SLIT2: variants seen among roughly 807,000 people sequenced by gnomAD.
SLIT2 encodes the protein slit guidance ligand 2, also known as slit homolog 2 protein.
In SLIT2, 41 loss-of-function variants were observed where a neutral mutation model predicts 185.7. That is an observed-to-expected ratio of 0.22 (90% CI 0.17 to 0.29). The LOEUF (loss-of-function observed/expected upper bound fraction) is 0.29, where lower values mean the gene tolerates loss of function less well. Among genes scored for constraint, SLIT2 ranks in the 10% least tolerant of loss-of-function variants. SLIT2 has a pLI of 1.00. For synonymous variants in SLIT2, 693 were observed against 680.2 expected (o/e 1.02, Z -0.29); for missense variants, 1,571 against 1,909.0 (o/e 0.82, Z 3.30).
intron 29 of SLIT2, among the ~76,000 whole-genome samples, chr4:20,587,330 A>G (rs1260707609): frequency 6.6e-6 from 1 of 152,118 alleles, no homozygotes; most frequent in East Asian, 1.9e-4. Flanking sequence ...AAATCAAATC[A>G]TTTTTGACGT....
chr4:20,614,499 C>T (rs931649757), intron 34 of SLIT2, among the ~76,000 whole-genome samples: 1 of 151,980 alleles, frequency 6.6e-6, no homozygotes, highest in Non-Finnish European at 1.5e-5. Flanking sequence ...TGGATCTGGC[C>T]AGGCGTGGTG....
At chr4:20,408,641 G>T (rs1177957195) in intron 4 of SLIT2, among the ~76,000 whole-genome samples, 1 of 151,944 alleles carries the variant, frequency 6.6e-6, no homozygotes, top group Non-Finnish European at 1.5e-5. Context: ...AGTTACTTTG[G>T]GATCAAGGCC....
intron 4 of SLIT2, among the ~76,000 whole-genome samples, chr4:20,283,049 A>T (rs985167998): frequency 1.3e-5 from 2 of 152,114 alleles, no homozygotes; most frequent in African/African-American, 2.4e-5. Flanking sequence ...AATTTCATTA[A>T]CTTAGCACCA....
At chr4:20,431,145 T>C (rs183244929) in intron 4 of SLIT2, among the ~76,000 whole-genome samples, 66 of 152,346 alleles carry the variant, frequency 4.3e-4, no homozygotes, top group Non-Finnish European at 8.5e-4. Flanking sequence ...GAATGGGTTT[T>C]CCTCTAACTC....
At chr4:20,368,246 A>G (rs1213711531) in intron 4 of SLIT2, among the ~76,000 whole-genome samples, 2 of 151,046 alleles carry the variant, frequency 1.3e-5, no homozygotes, top group Admixed American at 1.3e-4. Flanking sequence ...AAAAAAAAGA[A>G]AGAAAAAAGA....
At chr4:20,547,852 T>G (rs1009198136) in intron 22 of SLIT2, among the ~76,000 whole-genome samples, 13 of 152,016 alleles carry the variant, frequency 8.6e-5, no homozygotes, top group African/African-American at 3.1e-4. Context: ...TTGGTAAAAA[T>G]TCAACGTCTC....
intron 26 of SLIT2, among the ~76,000 whole-genome samples, chr4:20,559,500 ACT>A (rs1296590271): frequency 1.3e-5 from 2 of 151,888 alleles, no homozygotes; most frequent in Non-Finnish European, 2.9e-5. Flanking sequence ...ATTAATGAAG[ACT>A]CTGCTAGTTC....
chr4:20,545,267 C>A (rs961155801), intron 21 of SLIT2, among the ~76,000 whole-genome samples: 15 of 151,892 alleles, frequency 9.9e-5, no homozygotes, highest in Non-Finnish European at 1.6e-4. Context: ...TCACCATCTA[C>A]GTTCTAGGAA....
At chr4:20,348,954 A>G (rs994598019) in intron 4 of SLIT2, among the ~76,000 whole-genome samples, 2 of 152,190 alleles carry the variant, frequency 1.3e-5, no homozygotes, top group Non-Finnish European at 2.9e-5. Flanking sequence ...TGAGAAGACT[A>G]TGATGTTCTA....
intron 4 of SLIT2, among the ~76,000 whole-genome samples, chr4:20,430,952 C>T (rs1223523899): frequency 2.6e-5 from 4 of 152,146 alleles, no homozygotes; most frequent in African/African-American, 7.2e-5. Context: ...AAGTAACTGT[C>T]CAGAAGAAAC....
intron 4 of SLIT2, among the ~76,000 whole-genome samples, chr4:20,350,196 G>T (rs897836762): frequency 1.3e-5 from 2 of 151,882 alleles, no homozygotes; most frequent in Non-Finnish European, 2.9e-5. Context: ...CAATTAATAA[G>T]CACTGAGCAG....
At chr4:20,462,622 C>T (rs760784185) in intron 4 of SLIT2, among the ~76,000 whole-genome samples, 12 of 152,162 alleles carry the variant, frequency 7.9e-5, no homozygotes, top group Non-Finnish European at 1.6e-4. Context: ...GACTCTCTGA[C>T]ACACTGATAA....
intron 33 of SLIT2, among the ~76,000 whole-genome samples, chr4:20,598,711 A>C (rs1039703947): frequency 1.3e-5 from 2 of 152,126 alleles, no homozygotes; most frequent in African/African-American, 4.8e-5. Context: ...GCAGTTATGG[A>C]AACTCATGCT....
chr4:20,611,224 A>C (rs1383764587), intron 34 of SLIT2, among the ~76,000 whole-genome samples: 2 of 152,212 alleles, frequency 1.3e-5, no homozygotes, highest in Non-Finnish European at 2.9e-5. Context: ...CCTATGCTAC[A>C]CCATTATCTC....
At chr4:20,521,329 T>C (rs1057282036) in intron 12 of SLIT2, among the ~76,000 whole-genome samples, 1 of 152,214 alleles carries the variant, frequency 6.6e-6, no homozygotes, top group African/African-American at 2.4e-5. Context: ...TACAGCTAGC[T>C]GAGAACTTGG....
At chr4:20,480,855 C>T (rs1716628763) in intron 6 of SLIT2, 68 bp downstream of exon 6, 7 of 1,115,728 alleles carry the variant, frequency 6.3e-6, no homozygotes, top group Admixed American at 3.5e-5. Flanking sequence ...AATGTGGAAG[C>T]TTATCTGCTA....
chr4:20,566,608 GA>G (rs1321055672), intron 26 of SLIT2, among the ~76,000 whole-genome samples: 1 of 151,976 alleles, frequency 6.6e-6, no homozygotes, highest in Non-Finnish European at 1.5e-5. Context: ...TTTTGGAGAG[GA>G]AGATACAGAA....
intron 4 of SLIT2, among the ~76,000 whole-genome samples, chr4:20,373,718 A>G (rs541527104): frequency 6.8e-4 from 104 of 152,220 alleles, no homozygotes; most frequent in African/African-American, 2.3e-3. Flanking sequence ...ATAAATGACT[A>G]AGTGAAACCC....
chr4:20,408,237 G>A (rs1195068595), intron 4 of SLIT2, among the ~76,000 whole-genome samples: 2 of 152,108 alleles, frequency 1.3e-5, no homozygotes, highest in Non-Finnish European at 2.9e-5. Context: ...CTAGCTCCAA[G>A]GACTCATAAC....
Sources: gnomAD v4.1 joint callset for allele counts (sites outside exome capture counted in the v4.1 genomes callset) on GRCh38, gnomAD v4.1.1 for gene constraint, MANE v1.5 for transcripts, NCBI Gene and HGNC (gene_info 2026-07-23, HGNC 2026-07-21) for gene names.